The following SDK1 variants were observed in gnomAD, a reference collection of about 807,000 sequenced individuals.
SDK1 encodes the protein protein sidekick-1.
SDK1 carries 157 observed loss-of-function variants against 245.5 expected under a neutral mutation model. The observed-to-expected ratio is 0.64, with a 90% CI of 0.56 to 0.73. The LOEUF (loss-of-function observed/expected upper bound fraction) is 0.73. SDK1 is among the 30% of genes least tolerant of loss of function. The pLI, the probability that SDK1 is intolerant of heterozygous loss-of-function variation, is 0.00. For synonymous variants in SDK1, 1,647 were observed against 1,278.5 expected (o/e 1.29, Z -6.15); for missense variants, 3,583 against 3,002.3 (o/e 1.19, Z -4.52).
intron 12 of SDK1, among the ~76,000 whole-genome samples, chr7:3,972,328 C>G (rs564619665): frequency 2.2e-4 from 33 of 152,282 alleles, no homozygotes; most frequent in African/African-American, 7.7e-4. Flanking sequence ...ATCCACCTGT[C>G]TCGGCCTCCC....
intron 1 of SDK1, among the ~76,000 whole-genome samples, chr7:3,537,109 T>A (rs1280023460): frequency 6.6e-6 from 1 of 152,178 alleles, no homozygotes; most frequent in African/African-American, 2.4e-5. Flanking sequence ...TTCCCTTAAA[T>A]CCCTGTTATC....
At chr7:3,324,110 A>C (rs1365369306) in intron 1 of SDK1, among the ~76,000 whole-genome samples, 3 of 152,082 alleles carry the variant, frequency 2.0e-5, no homozygotes, top group South Asian at 2.1e-4. Flanking sequence ...CTAGGGAGAT[A>C]CTCATGTTTT....
At chr7:3,377,530 C>T (rs1036696701) in intron 1 of SDK1, among the ~76,000 whole-genome samples, 1 of 152,084 alleles carries the variant, frequency 6.6e-6, no homozygotes, top group Non-Finnish European at 1.5e-5. Context: ...TCAGGAGGTG[C>T]AGCAGTGTAC....
At chr7:3,783,597 A>G (rs1780815063) in intron 4 of SDK1, among the ~76,000 whole-genome samples, 1 of 152,218 alleles carries the variant, frequency 6.6e-6, no homozygotes, top group South Asian at 2.1e-4. Context: ...AAGGTTATCA[A>G]GGGAACAATT....
At chr7:4,099,850 C>T (rs961309703) in intron 22 of SDK1, among the ~76,000 whole-genome samples, 2 of 151,636 alleles carry the variant, frequency 1.3e-5, no homozygotes, top group Admixed American at 1.3e-4. Context: ...CTAAAAGCAC[C>T]CCTAAGAAAC....
At chr7:3,767,591 A>G (rs58062445) in intron 4 of SDK1, among the ~76,000 whole-genome samples, 1 of 152,218 alleles carries the variant, frequency 6.6e-6, no homozygotes, top group Non-Finnish European at 1.5e-5. Flanking sequence ...TACATGTGCC[A>G]GCTCATTCCA....
chr7:4,141,482 T>C (rs1297508544), intron 28 of SDK1, among the ~76,000 whole-genome samples: 1 of 152,248 alleles, frequency 6.6e-6, no homozygotes, highest in Non-Finnish European at 1.5e-5. Flanking sequence ...TCTGTAACCA[T>C]GCCCTGCTCC....
In SDK1 at chr7:4,110,983, G is replaced by C. The variant is rs192865992; in HGVS notation, c.3434+211G>C. Among the ~76,000 whole-genome samples the C allele has an allele frequency of 2.0e-5, 3 of 152,228 alleles. No homozygotes were observed. The East Asian group carries it at 5.8e-4, about 29-fold the overall frequency. ...GATAGGCAGATGTTAGACTCATGAG[G>C]CTCCTTCTATCAGTACCAGCTGGCA... On this transcript the variant is annotated intron_variant, in intron 23 of 44. Coordinates refer to ENST00000404826, the MANE Select transcript of SDK1 (RefSeq NM_152744.4).
At chr7:4,035,896 C>A (rs1583898221) in intron 17 of SDK1, among the ~76,000 whole-genome samples, 1 of 152,074 alleles carries the variant, frequency 6.6e-6, no homozygotes, top group Non-Finnish European at 1.5e-5. Context: ...ATTTACAAAT[C>A]CATAATAATA....
intron 5 of SDK1, among the ~76,000 whole-genome samples, chr7:3,918,619 A>G (rs576426706): frequency 3.9e-5 from 6 of 152,204 alleles, no homozygotes; most frequent in Non-Finnish European, 7.3e-5. Context: ...AAAGGGCACA[A>G]TAAATGGAAT....
At chr7:3,715,388 T>C (rs1785170212) in intron 4 of SDK1, among the ~76,000 whole-genome samples, 1 of 152,144 alleles carries the variant, frequency 6.6e-6, no homozygotes, top group Non-Finnish European at 1.5e-5. Context: ...GGTTCTTCCC[T>C]CCTCAGGTGG....
At chr7:3,609,537 A>G (rs1384898287) in intron 1 of SDK1, among the ~76,000 whole-genome samples, 1 of 152,014 alleles carries the variant, frequency 6.6e-6, no homozygotes, top group Non-Finnish European at 1.5e-5. Flanking sequence ...AGTAGCTGGG[A>G]TTACAGGCAC....
intron 1 of SDK1, among the ~76,000 whole-genome samples, chr7:3,503,042 A>G (rs1782268953): frequency 6.6e-6 from 1 of 152,230 alleles, no homozygotes; most frequent in Admixed American, 6.5e-5. Flanking sequence ...CAGTGGACTA[A>G]TGATGCCATT....
intron 4 of SDK1, among the ~76,000 whole-genome samples, chr7:3,646,308 T>C (rs1248652198): frequency 6.7e-6 from 1 of 150,040 alleles, no homozygotes; most frequent in Non-Finnish European, 1.5e-5. Flanking sequence ...TTTAGGCTTA[T>C]AATTAAATGA....
At chr7:4,106,452 C>T (rs1782916082) in intron 22 of SDK1, among the ~76,000 whole-genome samples, 2 of 152,050 alleles carry the variant, frequency 1.3e-5, no homozygotes. Context: ...TACAGGCACC[C>T]ACCACCACGC....
intron 1 of SDK1, among the ~76,000 whole-genome samples, chr7:3,558,944 A>C (rs1015280782): frequency 1.1e-4 from 16 of 152,076 alleles, no homozygotes; most frequent in African/African-American, 3.4e-4. Flanking sequence ...CCCTCACTCT[A>C]CTCAAGACTA....
At chr7:3,350,112 A>C (rs1277317891) in intron 1 of SDK1, among the ~76,000 whole-genome samples, 1 of 152,160 alleles carries the variant, frequency 6.6e-6, no homozygotes, top group Non-Finnish European at 1.5e-5. Context: ...ACTAACAGTA[A>C]GTTTAGCTTA....
chr7:4,107,677 A>G (rs1050935628), intron 22 of SDK1, among the ~76,000 whole-genome samples: 1 of 152,040 alleles, frequency 6.6e-6, no homozygotes, highest in Non-Finnish European at 1.5e-5. Flanking sequence ...TCCAACTGAA[A>G]AAATGTGGGG....
chr7:3,436,205 G>T (rs1455450250), intron 1 of SDK1, among the ~76,000 whole-genome samples: 1 of 152,102 alleles, frequency 6.6e-6, no homozygotes, highest in Non-Finnish European at 1.5e-5. Flanking sequence ...GATGGACTTA[G>T]TGGAAGTTTA....
Sources: gnomAD v4.1 joint callset for allele counts (sites outside exome capture counted in the v4.1 genomes callset) on GRCh38, gnomAD v4.1.1 for gene constraint, MANE v1.5 for transcripts, NCBI Gene and HGNC (gene_info 2026-07-23, HGNC 2026-07-21) for gene names.